GRXCR2: variants seen among roughly 807,000 people sequenced by gnomAD.
GRXCR2 encodes the protein glutaredoxin and cysteine rich domain containing 2.
Under a neutral mutation model 24.8 loss-of-function variants are expected in GRXCR2, and 23 were observed. That is an observed-to-expected ratio of 0.93 (90% CI 0.67 to 1.32). The LOEUF is 1.32. Among genes scored for constraint, GRXCR2 ranks in the 40% most tolerant of loss-of-function variants. GRXCR2 has a pLI of 0.00. For synonymous variants in GRXCR2, 130 were observed against 116.1 expected (o/e 1.12, Z -0.77); for missense variants, 315 against 303.4 (o/e 1.04, Z -0.28).
intron 2 of GRXCR2, among the ~76,000 whole-genome samples, chr5:145,922,508 T>A (rs1757336209): frequency 1.3e-5 from 2 of 152,178 alleles, no homozygotes; most frequent in African/African-American, 4.8e-5. Flanking sequence ...CTGAAGGTAT[T>A]TCAGTGTCAT....
At chr5:145,901,814 T>C (rs572203085) in intron 2 of GRXCR2, among the ~76,000 whole-genome samples, 25 of 152,250 alleles carry the variant, frequency 1.6e-4, no homozygotes, top group Middle Eastern at 3.4e-3. Flanking sequence ...GATGCCACTG[T>C]AGCTGGAAGG....
At chr5:145,920,336 C>T (rs1019455407) in intron 2 of GRXCR2, among the ~76,000 whole-genome samples, 73 of 152,164 alleles carry the variant, frequency 4.8e-4, no homozygotes, top group African/African-American at 1.7e-3. Flanking sequence ...AACTAGAAAC[C>T]GTGGGGATGG....
downstream of GRXCR2, among the ~76,000 whole-genome samples, chr5:145,858,222 G>A (rs748550379): frequency 4.2e-4 from 63 of 150,310 alleles, no homozygotes; most frequent in Non-Finnish European, 6.5e-4. Flanking sequence ...GCGGAGGCAG[G>A]AGAATCGCTG....
chr5:145,868,852 G>A (rs1756477307), intron 1 of GRXCR2, among the ~76,000 whole-genome samples: 1 of 152,162 alleles, frequency 6.6e-6, no homozygotes, highest in African/African-American at 2.4e-5. Context: ...ACCCTGATAG[G>A]CAAATTCTTC....
chr5:145,889,039 T>C (rs1333848383), intron 2 of GRXCR2, among the ~76,000 whole-genome samples: 2 of 151,916 alleles, frequency 1.3e-5, no homozygotes, highest in Non-Finnish European at 2.9e-5. Context: ...CCGGGCGTGG[T>C]GGCAGGCGCC....
At chr5:145,906,771 G>A (rs904736822) in intron 2 of GRXCR2, among the ~76,000 whole-genome samples, 1 of 152,180 alleles carries the variant, frequency 6.6e-6, no homozygotes, top group African/African-American at 2.4e-5. Context: ...ATAGACAAAA[G>A]TTCCTTCCCT....
chr5:145,930,970 A>C (rs1037176079), intron 2 of GRXCR2, among the ~76,000 whole-genome samples: 1 of 152,200 alleles, frequency 6.6e-6, no homozygotes, highest in African/African-American at 2.4e-5. Flanking sequence ...CTATCTAGCA[A>C]CTGGCAGAGC....
intron 2 of GRXCR2, among the ~76,000 whole-genome samples, chr5:145,896,898 T>G (rs1756958141): frequency 6.6e-6 from 1 of 152,070 alleles, no homozygotes; most frequent in Admixed American, 6.6e-5. Flanking sequence ...TGTCCAAGAA[T>G]GATAGACTGG....
At chr5:145,901,579 A>G (rs1757022427) in intron 2 of GRXCR2, among the ~76,000 whole-genome samples, 1 of 152,184 alleles carries the variant, frequency 6.6e-6, no homozygotes, top group South Asian at 2.1e-4. Context: ...TAAATAAATC[A>G]TAAAAACAGA....
At chr5:145,880,744 G>A (rs629724) in intron 2 of GRXCR2, among the ~76,000 whole-genome samples, 9 of 151,990 alleles carry the variant, frequency 5.9e-5, no homozygotes, top group Non-Finnish European at 1.3e-4. Flanking sequence ...AATTTTAGAC[G>A]AATATCCCTG....
At chr5:145,864,928 A>C (rs1419569282) in intron 2 of GRXCR2, among the ~76,000 whole-genome samples, 1 of 152,188 alleles carries the variant, frequency 6.6e-6, no homozygotes, top group Non-Finnish European at 1.5e-5. Context: ...CTTTTGCTAG[A>C]GTCCCAGTTG....
chr5:145,921,466 G>T (rs1458295829), intron 2 of GRXCR2, among the ~76,000 whole-genome samples: 2 of 152,038 alleles, frequency 1.3e-5, no homozygotes, highest in African/African-American at 4.8e-5. Context: ...AAAAACCACT[G>T]ACTTTTCCCT....
At chr5:145,905,511 G>A (rs1757079820) in intron 2 of GRXCR2, among the ~76,000 whole-genome samples, 1 of 152,170 alleles carries the variant, frequency 6.6e-6, no homozygotes, top group Admixed American at 6.5e-5. Context: ...TAGAGGGGAT[G>A]CCTAAGCCCT....
intron 1 of GRXCR2, among the ~76,000 whole-genome samples, chr5:145,870,234 C>T (rs190898605): frequency 3.3e-5 from 5 of 152,226 alleles, no homozygotes; most frequent in Non-Finnish European, 7.4e-5. Context: ...AATGACTCTT[C>T]TTCTCCCCTG....
intron 2 of GRXCR2, among the ~76,000 whole-genome samples, chr5:145,900,543 C>A (rs1201380180): frequency 6.6e-6 from 1 of 152,202 alleles, no homozygotes; most frequent in Non-Finnish European, 1.5e-5. Flanking sequence ...AAAAAATGCT[C>A]ATTCTCACTA....
intron 2 of GRXCR2, among the ~76,000 whole-genome samples, chr5:145,887,995 C>T (rs1004432408): frequency 1.3e-5 from 2 of 152,056 alleles, no homozygotes; most frequent in African/African-American, 4.8e-5. Flanking sequence ...AGAGCAAGGG[C>T]ATTATATTGG....
chr5:145,920,018 G>A (rs183708652), intron 2 of GRXCR2, among the ~76,000 whole-genome samples: 71 of 152,212 alleles, frequency 4.7e-4, no homozygotes, highest in Non-Finnish European at 6.8e-4. Flanking sequence ...TTGGATGTGC[G>A]GCAGCGATGA....
intron 2 of GRXCR2, among the ~76,000 whole-genome samples, chr5:145,900,174 G>A (rs1264163445): frequency 6.6e-6 from 1 of 152,094 alleles, no homozygotes; most frequent in Non-Finnish European, 1.5e-5. Flanking sequence ...AGGGGGTCTG[G>A]TGGGAGGTGA....
chr5:145,891,829 T>G (rs1187751060), intron 2 of GRXCR2, among the ~76,000 whole-genome samples: 1 of 152,154 alleles, frequency 6.6e-6, no homozygotes. Context: ...AAGGACAGAC[T>G]GCCTCCTCAA....
Sources: allele counts gnomAD v4.1 joint callset (sites outside exome capture counted in the v4.1 genomes callset), GRCh38; gene constraint gnomAD v4.1.1; transcripts MANE v1.5; gene names NCBI Gene and HGNC (gene_info 2026-07-23, HGNC 2026-07-21).